Variants in ARID2 observed in about 807,000 individuals in gnomAD.
ARID2 encodes the protein AT-rich interaction domain 2.
A neutral mutation model predicts 184.6 loss-of-function variants in ARID2; 32 were observed. That is an observed-to-expected ratio of 0.17 (90% CI 0.13 to 0.23). The LOEUF is 0.23. Among genes scored for constraint, ARID2 ranks in the 10% least tolerant of loss-of-function variants. ARID2 has a pLI of 1.00. For synonymous variants in ARID2, 836 were observed against 772.6 expected (o/e 1.08, Z -1.36); for missense variants, 1,696 against 2,197.6 (o/e 0.77, Z 4.56).
intron 16 of ARID2, among the ~76,000 whole-genome samples, chr12:45,875,791 TC>T (rs1944000244): frequency 6.6e-6 from 1 of 152,202 alleles, no homozygotes. Flanking sequence ...CTTCTCTACC[TC>T]TCTCAACCTA....
chr12:45,847,666 A>C (rs1350717800), intron 12 of ARID2, among the ~76,000 whole-genome samples: 1 of 152,076 alleles, frequency 6.6e-6, no homozygotes, highest in Non-Finnish European at 1.5e-5. Flanking sequence ...CTTTTCTGCC[A>C]TTCACTAACA....
intron 3 of ARID2, among the ~76,000 whole-genome samples, chr12:45,737,726 C>G (rs1180750876): frequency 6.6e-6 from 1 of 152,068 alleles, no homozygotes; most frequent in Non-Finnish European, 1.5e-5. Flanking sequence ...AACAGTTGAT[C>G]TAAGTATTGT....
intron 12 of ARID2, 33 bp downstream of exon 12, chr12:45,846,970 T>C (rs1252717052): frequency 6.3e-7 from 1 of 1,589,112 alleles, no homozygotes; most frequent in South Asian, 1.1e-5. Flanking sequence ...GGATTTATCC[T>C]TGGGAGGAGT....
Position 45,848,961 on chromosome 12 carries a change from A to G in ARID2, c.1706A>G (p.Lys569Arg), listed in dbSNP as rs1259049529. ...GGILTSTGFY[K>R]CLRTVFPNHT... ...ATCCTAACATCAACTGGATTTTATAAATGTCTTAGGTAGGATCCATAGTTC... is the reference window on the plus strand; with the variant it reads ...ATCCTAACATCAACTGGATTTTATAGATGTCTTAGGTAGGATCCATAGTTC... Residue 569 changes from lysine (K) to arginine (R), a missense_variant, in exon 13 of 21, where the codon AAA (lysine) becomes AGA (arginine). Lys to Arg is a conservative substitution (Grantham distance 26, BLOSUM62 2). Coordinates refer to ENST00000334344, the MANE Select transcript of ARID2 (RefSeq NM_152641.4). 9.9e-6 allele frequency: 16 copies of G among 1,611,924 alleles called. No homozygotes were observed. Among genetic ancestry groups the G allele is most frequent in the Non-Finnish European group, 1.4e-5 (16 of 1,178,768 alleles).
chr12:45,800,188 TAAC>T (rs1216457358), intron 3 of ARID2, among the ~76,000 whole-genome samples: 2 of 151,974 alleles, frequency 1.3e-5, no homozygotes, highest in Non-Finnish European at 1.5e-5. Context: ...CATAGATAGT[TAAC>T]AAAAAATATA....
At chr12:45,763,865 T>C (rs957693875) in intron 3 of ARID2, among the ~76,000 whole-genome samples, 2 of 152,182 alleles carry the variant, frequency 1.3e-5, no homozygotes, top group Non-Finnish European at 2.9e-5. Flanking sequence ...TGTTTGTTTT[T>C]TGGTTTCAGT....
Position 45,774,408 on chromosome 12 carries a change from CTTGT to C in ARID2, c.285-37007_285-37004del, listed in dbSNP as rs771459955. Among the ~76,000 whole-genome samples, 273 of 152,218 alleles carry C rather than the reference CTTGT, an allele frequency of 1.8e-3. 1 individual carries two copies. Among genetic ancestry groups the C allele is most frequent in the Non-Finnish European group, 1.4e-3 (96 of 67,986 alleles). Reference sequence around the variant, plus strand: ...TTTAAAAATCACTTTTCCCTGGAAACTTGTTTATCATACCTGTCAAAGATCATTT... The same window carrying C: ...TTTAAAAATCACTTTTCCCTGGAAACTTATCATACCTGTCAAAGATCATTT... On this transcript the variant is annotated intron_variant, in intron 3 of 20. Transcript: ENST00000334344.
chr12:45,758,069 C>T (rs568746789), intron 3 of ARID2, among the ~76,000 whole-genome samples: 56 of 152,264 alleles, frequency 3.7e-4, no homozygotes, highest in Admixed American at 3.3e-3. Flanking sequence ...TTTTTCGAGA[C>T]AACAAAGTTT....
At chr12:45,763,157 A>G (rs1000417163) in intron 3 of ARID2, among the ~76,000 whole-genome samples, 6 of 152,230 alleles carry the variant, frequency 3.9e-5, no homozygotes, top group Non-Finnish European at 7.3e-5. Flanking sequence ...TAGTTTAGTA[A>G]TAGTAAATTC....
intron 16 of ARID2, among the ~76,000 whole-genome samples, chr12:45,875,177 G>A (rs1403357691): frequency 6.6e-6 from 1 of 152,196 alleles, no homozygotes; most frequent in Non-Finnish European, 1.5e-5. Flanking sequence ...CAGAATGGAT[G>A]TTGTGTTAGC....
At chr12:45,889,467 G>A (rs1363691038) in intron 16 of ARID2, among the ~76,000 whole-genome samples, 1 of 152,106 alleles carries the variant, frequency 6.6e-6, no homozygotes, top group Non-Finnish European at 1.5e-5. Flanking sequence ...GTGATTGCTG[G>A]AGTAGTTTTA....
intron 3 of ARID2, among the ~76,000 whole-genome samples, chr12:45,779,708 G>A (rs1419561307): frequency 6.6e-6 from 1 of 151,740 alleles, no homozygotes; most frequent in African/African-American, 2.4e-5. Context: ...TTTTAGTTTT[G>A]CCAAATCAAA....
At chr12:45,830,161 C>T (rs1212082426) in intron 6 of ARID2, among the ~76,000 whole-genome samples, 1 of 151,346 alleles carries the variant, frequency 6.6e-6, no homozygotes, top group Non-Finnish European at 1.5e-5. Flanking sequence ...GCTGTTGTGA[C>T]TAATTTTACT....
chr12:45,873,467 C>A (rs565756794), intron 16 of ARID2, among the ~76,000 whole-genome samples: 7 of 152,210 alleles, frequency 4.6e-5, no homozygotes, highest in African/African-American at 1.4e-4. Flanking sequence ...CATTTTCTCC[C>A]CTTTCTTCGG....
intron 3 of ARID2, among the ~76,000 whole-genome samples, chr12:45,765,529 T>A (rs924069838): frequency 3.3e-5 from 5 of 151,874 alleles, no homozygotes; most frequent in Admixed American, 6.6e-5. Flanking sequence ...TTTTTTTTTT[T>A]AATTGAATTT....
rs201863765 is a variant in ARID2, at chr12:45,850,491, A to G, written c.2368A>G (p.Thr790Ala). The G allele has an allele frequency of 3.7e-6, 6 of 1,614,036 alleles. No individual in the cohort carries two copies. Among genetic ancestry groups the G allele is most frequent in the East Asian group, 2.2e-5 (1 of 44,870 alleles). The change falls in exon 15 of 21, where the codon ACA becomes GCA. Residue 790 changes from threonine to alanine, a missense_variant. By Grantham distance (58) the Thr-to-Ala change is moderately conservative. Coordinates refer to ENST00000334344, the MANE Select transcript of ARID2 (RefSeq NM_152641.4). ...PGQIPSGTPV[T>A]VIQQAVPQSH... Reference sequence around the variant, plus strand: ...ACAGATCCCTTCAGGCACTCCTGTTACAGTAATTCAACAAGCTGTCCCACA... The same window carrying G: ...ACAGATCCCTTCAGGCACTCCTGTTGCAGTAATTCAACAAGCTGTCCCACA...
At chr12:45,888,056 G>A (rs996530235) in intron 16 of ARID2, among the ~76,000 whole-genome samples, 2 of 152,070 alleles carry the variant, frequency 1.3e-5, no homozygotes, top group African/African-American at 2.4e-5. Flanking sequence ...TCAGCTGGGG[G>A]TGCTGGCGGG....
chr12:45,859,984 G>T (rs1425073303), intron 15 of ARID2, among the ~76,000 whole-genome samples: 1 of 152,068 alleles, frequency 6.6e-6, no homozygotes, highest in Non-Finnish European at 1.5e-5. Flanking sequence ...CACCCCCCTG[G>T]GCCTCCCAAA....
chr12:45,838,734 C>A (rs913377475), intron 10 of ARID2, among the ~76,000 whole-genome samples: 15 of 151,804 alleles, frequency 9.9e-5, no homozygotes, highest in Non-Finnish European at 1.5e-5. Context: ...GCCAGCACTC[C>A]AGCCTGGGTG....
Sources: allele counts gnomAD v4.1 joint callset (sites outside exome capture counted in the v4.1 genomes callset), GRCh38; gene constraint gnomAD v4.1.1; transcripts MANE v1.5; gene names NCBI Gene and HGNC (gene_info 2026-07-23, HGNC 2026-07-21).